INSL6: variants seen among roughly 807,000 people sequenced by gnomAD.
INSL6 encodes insulin-like peptide INSL6.
INSL6 carries 16 observed loss-of-function variants against 9.4 expected under a neutral mutation model. That is an observed-to-expected ratio of 1.70 (90% CI 1.15 to 2.59). The LOEUF (loss-of-function observed/expected upper bound fraction) is 2.59. Among genes scored for constraint, INSL6 ranks in the 30% most tolerant of loss-of-function variants. The pLI, the probability that INSL6 is intolerant of heterozygous loss-of-function variation, is 0.00. For synonymous variants in INSL6, 154 were observed against 96.9 expected, an observed-to-expected ratio of 1.59 and a Z score of -3.46; for missense variants, 391 against 257.3, an observed-to-expected ratio of 1.52 and a Z score of -3.56.
the INSL6 span, among the ~76,000 whole-genome samples, chr9:5,012,401 T>A: frequency 6.6e-6 from 1 of 152,036 alleles, no homozygotes; most frequent in South Asian, 2.1e-4. Context: ...ATAATTGTCG[T>A]CATCAGGAAC....
chr9:5,151,890 A>G (rs1315111664), intron 2 of INSL6, among the ~76,000 whole-genome samples: 2 of 152,208 alleles, frequency 1.3e-5, no homozygotes, highest in Non-Finnish European at 2.9e-5. Context: ...GTTGTTTACA[A>G]GAAACTAATT....
chr9:5,122,122 G>C (rs1439031767), downstream of INSL6, among the ~76,000 whole-genome samples: 1 of 152,118 alleles, frequency 6.6e-6, no homozygotes, highest in Non-Finnish European at 1.5e-5. Context: ...AGGATTTGTG[G>C]AGATTAGGAA....
At chr9:5,085,957 AT>A in the INSL6 span, 1 of 1,119,850 alleles carries the variant, frequency 8.9e-7, no homozygotes, top group Non-Finnish European at 1.4e-6. Flanking sequence ...GGATCGGTGT[AT>A]TTCTCACCAC....
chr9:5,088,793 T>A, the INSL6 span, among the ~76,000 whole-genome samples: 3 of 152,224 alleles, frequency 2.0e-5, no homozygotes, highest in African/African-American at 7.2e-5. Flanking sequence ...TGCTCTAATG[T>A]CTCTTCCTCT....
At chr9:5,073,888 A>G in the INSL6 span, 11 of 716,530 alleles carry the variant, frequency 1.5e-5, no homozygotes, top group South Asian at 1.8e-4. Context: ...AGTGTAAACT[A>G]TAATTTAACA....
chr9:5,086,085 C>A, the INSL6 span: 2 of 641,430 alleles, frequency 3.1e-6, no homozygotes, highest in East Asian at 3.2e-5. Flanking sequence ...CAAGTCAAGT[C>A]CCTTCTGCCT....
chr9:5,054,879 G>C, the INSL6 span: 1 of 1,586,154 alleles, frequency 6.3e-7, no homozygotes, highest in Non-Finnish European at 8.6e-7. This position sits in a 1 kb window ranked among gnomAD's most constrained non-coding sequence, Gnocchi z 4.9. Context: ...GACACTGACA[G>C]AACAGGTAAT....
chr9:5,074,082 A>G, the INSL6 span, among the ~76,000 whole-genome samples: 3 of 152,214 alleles, frequency 2.0e-5, no homozygotes, highest in Non-Finnish European at 4.4e-5. Flanking sequence ...CAGGTTCAAC[A>G]TAACATTGGA....
At chr9:5,168,339 C>T (rs1825102011) in intron 1 of INSL6, among the ~76,000 whole-genome samples, 1 of 152,114 alleles carries the variant, frequency 6.6e-6, no homozygotes, top group Non-Finnish European at 1.5e-5. Context: ...TAAAACATTA[C>T]AGGAGCTGTT....
chr9:5,133,730 G>T (rs977891547), intron 2 of INSL6: 3 of 152,030 alleles, frequency 2.0e-5, no homozygotes, highest in African/African-American at 7.3e-5. Flanking sequence ...AATCCACTAA[G>T]ATGGGGAGAA....
chr9:5,037,597 T>C, the INSL6 span, among the ~76,000 whole-genome samples: 2 of 152,156 alleles, frequency 1.3e-5, no homozygotes, highest in African/African-American at 4.8e-5. Flanking sequence ...CTCAGCAAAC[T>C]ATCGCAAGGA....
downstream of INSL6, chr9:5,123,147 AG>A: frequency 6.8e-7 from 1 of 1,465,592 alleles, no homozygotes; most frequent in Non-Finnish European, 9.4e-7. Context: ...ATTTACTTTC[AG>A]TTTTTTGTTT....
chr9:5,102,566 G>C, the INSL6 span, among the ~76,000 whole-genome samples: 1 of 152,104 alleles, frequency 6.6e-6, no homozygotes. Context: ...TCCTCGAGAA[G>C]AGCAACCCCA....
chr9:5,071,338 C>T, the INSL6 span, among the ~76,000 whole-genome samples: 1 of 151,986 alleles, frequency 6.6e-6, no homozygotes, highest in South Asian at 2.1e-4. Context: ...GACCAACAAA[C>T]ATCAAAATTA....
At chr9:5,067,328 T>C in the INSL6 span, among the ~76,000 whole-genome samples, 1 of 152,180 alleles carries the variant, frequency 6.6e-6, no homozygotes, top group African/African-American at 2.4e-5. Flanking sequence ...AACCCCACTG[T>C]TAATACAGAT....
chr9:5,135,808 C>G (rs953929332), intron 2 of INSL6, among the ~76,000 whole-genome samples: 2 of 150,596 alleles, frequency 1.3e-5, no homozygotes, highest in Non-Finnish European at 3.0e-5. Context: ...CACAAAAACC[C>G]TTCAAAAAAA....
chr9:5,173,715 G>A (rs1368820155), intron 1 of INSL6, among the ~76,000 whole-genome samples: 4 of 151,580 alleles, frequency 2.6e-5, no homozygotes, highest in African/African-American at 7.3e-5. Context: ...CATGGCACAC[G>A]TTTACCTATG....
At chr9:5,098,175 A>C in the INSL6 span, 1 of 152,188 alleles carries the variant, frequency 6.6e-6, no homozygotes, top group Non-Finnish European at 1.5e-5. Flanking sequence ...CACACATTTG[A>C]AGAGCCAACC....
At chr9:5,167,964 A>C (rs1210511232) in intron 1 of INSL6, among the ~76,000 whole-genome samples, 1 of 152,204 alleles carries the variant, frequency 6.6e-6, no homozygotes, top group South Asian at 2.1e-4. Context: ...GACTCCCAGC[A>C]AACTGCAGCA....
Sources: gnomAD v4.1 joint callset for allele counts (sites outside exome capture counted in the v4.1 genomes callset) on GRCh38, gnomAD v4.1.1 for gene constraint, Gnocchi (gnomAD v3.1) non-coding constraint, MANE v1.5 for transcripts, NCBI Gene and HGNC (gene_info 2026-07-23, HGNC 2026-07-21) for gene names.